COL23A1: variants seen among roughly 807,000 people sequenced by gnomAD.
COL23A1 encodes the protein collagen alpha-1(XXIII) chain.
A neutral mutation model predicts 99.3 loss-of-function variants in COL23A1; 97 were observed. The ratio of observed to expected loss-of-function variants is 0.98; its 90% CI spans 0.83 to 1.16. The LOEUF (loss-of-function observed/expected upper bound fraction) is 1.16, where lower values mean the gene tolerates loss of function less well. Among genes scored for constraint, COL23A1 ranks in the 50% most tolerant of loss-of-function variants. The pLI is 0.00. For synonymous variants in COL23A1, 320 were observed against 308.2 expected (o/e 1.04, Z -0.40); for missense variants, 762 against 757.4 (o/e 1.01, Z -0.07).
intron 17 of COL23A1, among the ~76,000 whole-genome samples, chr5:178,250,387 C>T (rs565444347): frequency 4.6e-5 from 7 of 152,280 alleles, no homozygotes; most frequent in East Asian, 1.9e-4. Flanking sequence ...ACAACGATGC[C>T]GGGACCAGAT....
At chr5:178,289,586 AC>A (rs1319994810) in intron 4 of COL23A1, among the ~76,000 whole-genome samples, 18 of 152,150 alleles carry the variant, frequency 1.2e-4, no homozygotes, top group African/African-American at 4.1e-4. Context: ...AGAAAAATGA[AC>A]CCCAGGGTCT....
chr5:178,585,944 G>A (rs1239822394), intron 1 of COL23A1, among the ~76,000 whole-genome samples: 2 of 152,220 alleles, frequency 1.3e-5, no homozygotes, highest in African/African-American at 2.4e-5. Context: ...TAAGTCTGCC[G>A]AAAGGTGGGA....
Position 178,587,421 on chromosome 5 carries a change from G to A in COL23A1, c.294+2483C>T, listed in dbSNP as rs541170270. ...AGTTCTGTTCCCAAGGGAACAAAGAGAGTGGGTCCCATATTCACAGTGGCT... is the reference window on the plus strand; with the variant it reads ...AGTTCTGTTCCCAAGGGAACAAAGAAAGTGGGTCCCATATTCACAGTGGCT... On this transcript the variant is annotated intron_variant, in intron 1 of 28. Coordinates refer to ENST00000390654, the MANE Select transcript of COL23A1 (RefSeq NM_173465.4). Among the ~76,000 whole-genome samples the A allele has an allele frequency of 9.8e-5, 15 of 152,290 alleles. No individual in the cohort carries two copies. The South Asian group carries it at 2.9e-3, about 29-fold the overall frequency.
intron 3 of COL23A1, among the ~76,000 whole-genome samples, chr5:178,297,525 C>A (rs535285581): frequency 5.9e-5 from 9 of 152,246 alleles, no homozygotes; most frequent in Non-Finnish European, 8.8e-5. Flanking sequence ...CTCAAAAAAA[C>A]AAACAAAAAA....
chr5:178,311,100 C>T (rs1463250511), intron 2 of COL23A1, among the ~76,000 whole-genome samples: 1 of 152,160 alleles, frequency 6.6e-6, no homozygotes, highest in Non-Finnish European at 1.5e-5. Flanking sequence ...CCACACGGCT[C>T]TGAGCTAGGG....
intron 7 of COL23A1, 105 bp downstream of exon 7, chr5:178,268,625 G>A (rs759587813): frequency 6.4e-6 from 7 of 1,101,214 alleles, no homozygotes; most frequent in African/African-American, 3.1e-5. Flanking sequence ...GGCTCTAGGA[G>A]GGGCTGTGAT....
chr5:178,342,748 A>G (rs1760739112), intron 2 of COL23A1, among the ~76,000 whole-genome samples: 1 of 152,124 alleles, frequency 6.6e-6, no homozygotes, highest in Non-Finnish European at 1.5e-5. Flanking sequence ...TAGTGTTATA[A>G]ACTCCACTTA....
chr5:178,482,816 G>C (rs1757411773), intron 2 of COL23A1, among the ~76,000 whole-genome samples: 1 of 152,138 alleles, frequency 6.6e-6, no homozygotes, highest in Admixed American at 6.5e-5. Context: ...GCAGGAGAAT[G>C]GTGTGAGCCT....
At chr5:178,250,333 G>A (rs1764968034) in intron 17 of COL23A1, among the ~76,000 whole-genome samples, 1 of 152,236 alleles carries the variant, frequency 6.6e-6, no homozygotes, top group South Asian at 2.1e-4. Flanking sequence ...GGGCGCTGAG[G>A]CTTGGAGGGT....
In COL23A1 at chr5:178,307,204, C is replaced by T. The variant is rs1391948231; in HGVS notation, c.362-285G>A. On this transcript the variant is annotated intron_variant, in intron 2 of 28. Coordinates refer to ENST00000390654, the MANE Select transcript of COL23A1 (RefSeq NM_173465.4). This position sits in a 1 kb window ranked among gnomAD's most constrained non-coding sequence, Gnocchi z 4.2. Reference sequence around the variant, plus strand: ...ATCGGCTCACTCAGTCATTCCTAAGCCCTCCCCTAATCACAAAGATTCCCA... The same window carrying T: ...ATCGGCTCACTCAGTCATTCCTAAGTCCTCCCCTAATCACAAAGATTCCCA... Among the ~76,000 whole-genome samples the T allele has an allele frequency of 2.0e-5, 3 of 152,188 alleles. No individual in the cohort carries two copies. Among genetic ancestry groups the T allele is most frequent in the Admixed American group, 2.0e-4 (3 of 15,290 alleles).
chr5:178,250,185 T>A, intron 17 of COL23A1, 80 bp from the exon 18 acceptor site: 1 of 1,545,624 alleles, frequency 6.5e-7, no homozygotes, highest in Non-Finnish European at 8.9e-7. Context: ...CAGGACACAC[T>A]GTGCACCCGG....
intron 1 of COL23A1, among the ~76,000 whole-genome samples, chr5:178,583,617 C>T (rs1763771387): frequency 6.6e-6 from 1 of 152,178 alleles, no homozygotes; most frequent in Non-Finnish European, 1.5e-5. Flanking sequence ...AGGCAATCCA[C>T]ACTGGTCCAT....
intron 3 of COL23A1, among the ~76,000 whole-genome samples, chr5:178,296,092 C>A (rs545455113): frequency 6.6e-6 from 1 of 152,230 alleles, no homozygotes; most frequent in Non-Finnish European, 1.5e-5. Context: ...TTGACAGTGG[C>A]TGGAGAAAGC....
At chr5:178,268,998 G>A (rs1260640431) in intron 6 of COL23A1, among the ~76,000 whole-genome samples, 1 of 152,108 alleles carries the variant, frequency 6.6e-6, no homozygotes, top group Non-Finnish European at 1.5e-5. Flanking sequence ...GGGCCCACTG[G>A]CATCCTCGCA....
intron 8 of COL23A1, among the ~76,000 whole-genome samples, chr5:178,264,691 C>G (rs1322661118): frequency 6.6e-6 from 1 of 152,202 alleles, no homozygotes; most frequent in Admixed American, 6.5e-5. Context: ...GTCTTTTGCT[C>G]TGTCGCTCAG....
chr5:178,337,431 T>C (rs1212804216), intron 2 of COL23A1, among the ~76,000 whole-genome samples: 3 of 152,150 alleles, frequency 2.0e-5, no homozygotes, highest in Non-Finnish European at 2.9e-5. Context: ...AGTTTGAAAA[T>C]TGGTTCCATA....
intron 2 of COL23A1, among the ~76,000 whole-genome samples, chr5:178,381,331 C>T (rs973428059): frequency 2.0e-4 from 30 of 152,232 alleles, no homozygotes; most frequent in African/African-American, 7.2e-4. Flanking sequence ...CTACTCCCAC[C>T]TTCCACAGGG....
intron 2 of COL23A1, among the ~76,000 whole-genome samples, chr5:178,322,416 G>A (rs1483233900): frequency 2.0e-5 from 3 of 152,220 alleles, no homozygotes; most frequent in Non-Finnish European, 4.4e-5. Context: ...GGCATGAGCC[G>A]CTGCATGTGG....
intron 1 of COL23A1, among the ~76,000 whole-genome samples, chr5:178,588,467 A>G (rs1405008587): frequency 2.0e-5 from 3 of 152,222 alleles, no homozygotes; most frequent in African/African-American, 7.2e-5. Flanking sequence ...ACAGGTAGAA[A>G]CTTTACTGGC....
Sources: gnomAD v4.1 joint callset for allele counts (sites outside exome capture counted in the v4.1 genomes callset) on GRCh38, gnomAD v4.1.1 for gene constraint, Gnocchi (gnomAD v3.1) non-coding constraint, MANE v1.5 for transcripts, NCBI Gene and HGNC (gene_info 2026-07-23, HGNC 2026-07-21) for gene names.